NDUFAF5: variants seen among roughly 807,000 people sequenced by gnomAD.
NDUFAF5 encodes the protein arginine-hydroxylase NDUFAF5, mitochondrial.
NDUFAF5 carries 34 observed loss-of-function variants against 48.9 expected under a neutral mutation model. That is an observed-to-expected ratio of 0.70 (90% CI 0.53 to 0.93). NDUFAF5 has a LOEUF of 0.93. NDUFAF5 is among the 40% of genes least tolerant of loss of function. NDUFAF5 has a pLI of 0.00. For synonymous variants in NDUFAF5, 153 were observed against 150.6 expected (o/e 1.02, Z -0.12); for missense variants, 428 against 427.5 (o/e 1.00, Z -0.01).
chr20:13,811,252 T>C (rs915857248), intron 8 of NDUFAF5, among the ~76,000 whole-genome samples: 4 of 152,090 alleles, frequency 2.6e-5, no homozygotes, highest in Admixed American at 2.6e-4. Flanking sequence ...ATGGTCACGG[T>C]TGAAGTTCCT....
At chr20:13,798,382 G>T (rs1983576400) in intron 5 of NDUFAF5, 79 bp from the exon 6 acceptor site, 3 of 1,023,372 alleles carry the variant, frequency 2.9e-6, no homozygotes. Context: ...CTTTTTATGG[G>T]TTATCATTAA....
intron 6 of NDUFAF5, 42 bp downstream of exon 6, chr20:13,798,542 C>T: frequency 1.4e-6 from 2 of 1,442,486 alleles, no homozygotes; most frequent in Non-Finnish European, 2.0e-6. Flanking sequence ...GTGTTATTTT[C>T]TTTATTGTTA....
intron 3 of NDUFAF5, among the ~76,000 whole-genome samples, chr20:13,789,850 G>C (rs964694324): frequency 6.6e-5 from 10 of 152,284 alleles, no homozygotes; most frequent in Admixed American, 5.2e-4. Flanking sequence ...GAAGGGAGTG[G>C]TGGGGCTCCT....
At chr20:13,814,185 T>C in intron 8 of NDUFAF5, 4 of 334,870 alleles carry the variant, frequency 1.2e-5, no homozygotes, top group South Asian at 2.4e-5. Flanking sequence ...ATTTGTATGC[T>C]GAAATCTTAG....
chr20:13,813,863 G>A (rs1219715121), intron 8 of NDUFAF5, among the ~76,000 whole-genome samples: 1 of 151,972 alleles, frequency 6.6e-6, no homozygotes, highest in Non-Finnish European at 1.5e-5. Flanking sequence ...TATATAGAAC[G>A]GGGAGATGAT....
At chr20:13,796,292 C>G (rs1354232584) in intron 5 of NDUFAF5, among the ~76,000 whole-genome samples, 2 of 152,156 alleles carry the variant, frequency 1.3e-5, no homozygotes, top group East Asian at 3.8e-4. Flanking sequence ...AGTTAGAAAA[C>G]TACTCACATT....
rs538922187 is a variant in NDUFAF5 at position 13,816,133 on chromosome 20, G to A, written c.779-330G>A. 2.5e-5 allele frequency: 10 copies of A among 392,880 alleles called. No individual in the cohort carries two copies. The East Asian group carries it at 5.9e-4, about 23-fold the overall frequency. The allele number at this position is 392,880 out of a possible 1,614,324, so 24.3% of individuals were successfully genotyped here. A position where few individuals can be genotyped will look rare whatever the true frequency, so the allele number is the denominator to read the frequency against. On this transcript the variant is annotated intron_variant, in intron 8 of 10. Transcript: ENST00000378106. ...ATGTGACATCCTTGGTAAAGTTCTT[G>A]CCAATTGCTGACAACTCACCTGGGG...
chr20:13,814,570 A>G, intron 8 of NDUFAF5: 10 of 880,826 alleles, frequency 1.1e-5, no homozygotes, highest in Non-Finnish European at 1.6e-5. Flanking sequence ...GTAAACTGTA[A>G]TAAATTAGGT....
At chr20:13,789,479 CTT>C (rs751983106) in intron 3 of NDUFAF5, among the ~76,000 whole-genome samples, 17 of 126,002 alleles carry the variant, frequency 1.3e-4, no homozygotes, top group Non-Finnish European at 1.4e-4. Context: ...AGTGGAATTT[CTT>C]TTTTTTTTTT....
chr20:13,786,482 A>C (rs1981150423), intron 1 of NDUFAF5, among the ~76,000 whole-genome samples: 1 of 152,136 alleles, frequency 6.6e-6, no homozygotes, highest in African/African-American at 2.4e-5. Flanking sequence ...AGAACAAATA[A>C]GATAAAGTAT....
Position 13,820,862 on chromosome 20 carries a change from G to C in NDUFAF5, c.*3652G>C, listed in dbSNP as rs1360876824. On this transcript the variant is annotated 3_prime_UTR_variant, in exon 11 of 11. Coordinates refer to ENST00000378106, the MANE Select transcript of NDUFAF5 (RefSeq NM_024120.5). ...GCAGTGATTATTATTCTGTTCCTTT[G>C]TAAGTTACCATTAGCCTCTCTTGCT... 6.6e-6 allele frequency: 1 copy of C among 152,194 alleles called. No individual in the cohort carries two copies. The highest frequency in any genetic ancestry group is 1.5e-5 in the Non-Finnish European group (1 of 68,032). The allele number at this position is 152,194 out of a possible 1,614,324, so 9.4% of individuals were successfully genotyped here. A position where few individuals can be genotyped will look rare whatever the true frequency, so the allele number is the denominator to read the frequency against.
In NDUFAF5 at chr20:13,801,535, G is replaced by C; in HGVS notation, c.569G>C (p.Gly190Ala). The change falls in exon 7 of 11, where the codon GGA (glycine) becomes GCA (alanine). Residue 190 changes from glycine (G) to alanine (A), a missense_variant. Transcript: ENST00000378106. ...GGAGTGTTTATCGGTGCAATGTTTG[G>C]AGGCGACACACTCTATGAACTTCGG... ...PDGVFIGAMF[G>A]GDTLYELRCS... 6.2e-7 allele frequency: 1 copy of C among 1,613,744 alleles called. No homozygotes were observed. The highest frequency in any genetic ancestry group is 2.2e-5 in the East Asian group (1 of 44,860).
At chr20:13,793,133 G>T in intron 3 of NDUFAF5, 47 bp from the exon 4 acceptor site, 1 of 1,607,858 alleles carries the variant, frequency 6.2e-7, no homozygotes, top group Non-Finnish European at 8.5e-7. Context: ...GTCAGCAATT[G>T]TTTGTGACTG....
In NDUFAF5 at chr20:13,816,533, G is replaced by T; in HGVS notation, c.849G>T (p.Ala283=). The T allele has an allele frequency of 1.2e-6, 2 of 1,613,792 alleles. No individual in the cohort carries two copies. Residue 283 remains alanine, a synonymous_variant, in exon 9 of 11, where the codon GCG becomes GCT. Coordinates refer to ENST00000378106, the MANE Select transcript of NDUFAF5 (RefSeq NM_024120.5). The stretch of plus-strand genomic sequence containing the variant: ...ATCGAGACACAATGCTGGCAGCTGC[G>T]GCAGTGTACAGAGGTAAGGGGCGAC... ...LLHRDTMLAA[A]AVYREMYRNE...
At position 13,785,304 on chromosome 20, in the gene NDUFAF5, G is replaced by T. The variant is rs1435948462; in HGVS notation, c.222+14G>T. ...CTGAAGGAGGAGGTGAGCCCGCGGG[G>T]CGGCGGGGCGGCGGGGCGGGCGACG... is the stretch of plus-strand genomic sequence containing the variant. On this transcript the variant is annotated intron_variant, in intron 1 of 10. Transcript: ENST00000378106. 3.1e-6 allele frequency: 3 copies of T among 975,532 alleles called. No homozygotes were observed. Among genetic ancestry groups the T allele is most frequent in the Middle Eastern group, 2.4e-4 (1 of 4,200 alleles). The allele number at this position is 975,532 out of a possible 1,614,324, so 60.4% of individuals were successfully genotyped here.
intron 5 of NDUFAF5, among the ~76,000 whole-genome samples, chr20:13,796,516 A>C (rs1983240994): frequency 6.6e-6 from 1 of 152,242 alleles, no homozygotes; most frequent in South Asian, 2.1e-4. Context: ...TAGGAAAGAT[A>C]AACATGAGCT....
chr20:13,804,005 C>G (rs1331690971), intron 7 of NDUFAF5, among the ~76,000 whole-genome samples: 1 of 152,128 alleles, frequency 6.6e-6, no homozygotes, highest in African/African-American at 2.4e-5. Flanking sequence ...AGTCTGGTCT[C>G]GAACTCTTGA....
intron 4 of NDUFAF5, 100 bp downstream of exon 4, chr20:13,793,327 G>A: frequency 1.8e-6 from 2 of 1,091,894 alleles, no homozygotes; most frequent in South Asian, 2.7e-5. Flanking sequence ...TTTCTTTTCT[G>A]ACACATGAAA....
chr20:13,816,426 G>A, intron 8 of NDUFAF5, 37 bp from the exon 9 acceptor site: 2 of 1,439,978 alleles, frequency 1.4e-6, no homozygotes, highest in Non-Finnish European at 2.0e-6. Flanking sequence ...CAGGGTGTTT[G>A]CTGTATTATC....
Sources: gnomAD v4.1 joint callset for allele counts (sites outside exome capture counted in the v4.1 genomes callset) on GRCh38, gnomAD v4.1.1 for gene constraint, MANE v1.5 for transcripts, NCBI Gene and HGNC (gene_info 2026-07-23, HGNC 2026-07-21) for gene names.